ENTPD1: variants seen among roughly 807,000 people sequenced by gnomAD.
ENTPD1 encodes ATP diphosphohydrolase.
ENTPD1 carries 33 observed loss-of-function variants against 57.0 expected under a neutral mutation model. That is an observed-to-expected ratio of 0.58 (90% CI 0.44 to 0.77). The LOEUF is 0.77. Among genes scored for constraint, ENTPD1 ranks in the 30% least tolerant of loss-of-function variants. ENTPD1 has a pLI of 0.00. For missense variants in ENTPD1, 501 were observed against 603.4 expected, an observed-to-expected ratio of 0.83 and a Z score of 1.78; for synonymous variants, 202 against 218.8, an observed-to-expected ratio of 0.92 and a Z score of 0.68.
At chr10:95,843,948 G>C (rs564139212) in intron 4 of ENTPD1, among the ~76,000 whole-genome samples, 138 of 152,328 alleles carry the variant, frequency 9.1e-4, no homozygotes, top group Admixed American at 2.3e-3. Flanking sequence ...CCCAAGAACT[G>C]AGCTGTAATA....
chr10:95,781,064 G>A (rs1373738289), intron 1 of ENTPD1, among the ~76,000 whole-genome samples: 1 of 152,168 alleles, frequency 6.6e-6, no homozygotes, highest in Non-Finnish European at 1.5e-5. Context: ...ACAATGGACT[G>A]CTATTCAGCC....
intron 1 of ENTPD1, among the ~76,000 whole-genome samples, chr10:95,783,163 T>C (rs904079196): frequency 2.3e-4 from 35 of 152,164 alleles, no homozygotes; most frequent in African/African-American, 7.0e-4. Flanking sequence ...GTTTTATGAG[T>C]AGCATTGTTA....
At chr10:95,814,849 T>G (rs1388849372) in intron 1 of ENTPD1, among the ~76,000 whole-genome samples, 1 of 152,200 alleles carries the variant, frequency 6.6e-6, no homozygotes, top group Non-Finnish European at 1.5e-5. Context: ...ACCTTTCTTT[T>G]CATTCTCACC....
At chr10:95,713,620 C>A (rs947508830) in intron 1 of ENTPD1, among the ~76,000 whole-genome samples, 2 of 152,162 alleles carry the variant, frequency 1.3e-5, no homozygotes, top group African/African-American at 4.8e-5. Context: ...AGAATCAGTC[C>A]CTGTAGTACT....
At chr10:95,702,537 C>T in the ENTPD1 span, among the ~76,000 whole-genome samples, 1 of 150,986 alleles carries the variant, frequency 6.6e-6, no homozygotes, top group African/African-American at 2.4e-5. Context: ...TGTAATTGGG[C>T]CCCAGAAGGA....
In ENTPD1 at chr10:95,871,677, T is replaced by C; in HGVS notation, c.*5294T>C. On this transcript the variant is annotated 3_prime_UTR_variant, in exon 10 of 10. Coordinates refer to ENST00000371205, the MANE Select transcript of ENTPD1 (RefSeq NM_001776.6). The stretch of plus-strand genomic sequence containing the variant: ...CTATGTCTTTTGCATTGCTCTATTT[T>C]ACATAAATTAAGTTATAAATTGACA... 1 of 985,412 alleles carries C rather than the reference T, an allele frequency of 1.0e-6. No individual in the cohort carries two copies. The highest frequency in any genetic ancestry group is 1.2e-6 in the Non-Finnish European group (1 of 829,910). The allele number at this position is 985,412 out of a possible 1,614,324, so 61.0% of individuals were successfully genotyped here.
chr10:95,711,965 A>G (rs374183684), exon 1 of ENTPD1: 1 of 1,613,358 alleles, frequency 6.2e-7, no homozygotes, highest in African/African-American at 1.3e-5. Flanking sequence ...CAATGAAGGG[A>G]ACCAAGGACC....
chr10:95,698,732 C>T, the ENTPD1 span, among the ~76,000 whole-genome samples: 2 of 152,216 alleles, frequency 1.3e-5, no homozygotes, highest in African/African-American at 4.8e-5. Context: ...TTGGACTTCC[C>T]AGGCTTCATA....
At position 95,866,760 on chromosome 10, in the gene ENTPD1, G is replaced by C; in HGVS notation, c.*377G>C. ...TAGGAGGCTGAGCTGGCTGAAAGAA[G>C]AATCTCAGGAACTGGTTCAGTTGTA... On this transcript the variant is annotated 3_prime_UTR_variant, in exon 10 of 10. Transcript: ENST00000371205. The C allele has an allele frequency of 1.8e-6, 2 of 1,129,690 alleles. No individual in the cohort carries two copies. The highest frequency in any genetic ancestry group is 2.1e-5 in the South Asian group (1 of 47,190). The allele number at this position is 1,129,690 out of a possible 1,614,324, so 70.0% of individuals were successfully genotyped here.
intron 2 of ENTPD1, among the ~76,000 whole-genome samples, chr10:95,828,238 G>C (rs768162690): frequency 8.5e-5 from 13 of 152,140 alleles, no homozygotes; most frequent in Admixed American, 2.0e-4. Flanking sequence ...ACCCTATTGT[G>C]AACTGCACAT....
At chr10:95,763,794 G>A (rs2098076966) in intron 1 of ENTPD1, among the ~76,000 whole-genome samples, 1 of 152,214 alleles carries the variant, frequency 6.6e-6, no homozygotes, top group East Asian at 1.9e-4. Flanking sequence ...AGTGCTGGTG[G>A]CTTTAGTTAG....
In ENTPD1 at chr10:95,873,736, T is replaced by A. The variant is rs1229931104; in HGVS notation, c.*7353T>A. On this transcript the variant is annotated 3_prime_UTR_variant, in exon 10 of 10. Coordinates refer to ENST00000371205, the MANE Select transcript of ENTPD1 (RefSeq NM_001776.6). ...CGTTTCCATGCTGCTGATAAAGACA[T>A]ATCTGAGACTGGAAACAAAAAGGGT... 1.0e-6 allele frequency: 1 copy of A among 972,640 alleles called. No homozygotes were observed. The highest frequency in any genetic ancestry group is 1.8e-5 in the African/African-American group (1 of 56,964). The allele number at this position is 972,640 out of a possible 1,614,324, so 60.3% of individuals were successfully genotyped here.
At chr10:95,762,291 A>G (rs2098068101) in intron 1 of ENTPD1, among the ~76,000 whole-genome samples, 1 of 152,078 alleles carries the variant, frequency 6.6e-6, no homozygotes, top group African/African-American at 2.4e-5. Context: ...TGAGGATACA[A>G]GTAACATAGC....
chr10:95,745,477 G>A (rs1459422275), intron 1 of ENTPD1, among the ~76,000 whole-genome samples: 1 of 152,176 alleles, frequency 6.6e-6, no homozygotes, highest in Non-Finnish European at 1.5e-5. Flanking sequence ...ACTGCACCTG[G>A]CCAATCTTAC....
intron 1 of ENTPD1, among the ~76,000 whole-genome samples, chr10:95,749,736 T>C (rs561265283): frequency 6.6e-6 from 1 of 152,170 alleles, no homozygotes; most frequent in African/African-American, 2.4e-5. Flanking sequence ...AGGACAGTAG[T>C]AGGAAAGAAA....
chr10:95,744,956 T>G (rs1313638058), intron 1 of ENTPD1, among the ~76,000 whole-genome samples: 1 of 152,184 alleles, frequency 6.6e-6, no homozygotes, highest in Non-Finnish European at 1.5e-5. Context: ...ACTCATTTAT[T>G]TATTGTCTCT....
At position 95,866,715 on chromosome 10, in the gene ENTPD1, G is replaced by A; in HGVS notation, c.*332G>A. On this transcript the variant is annotated 3_prime_UTR_variant, in exon 10 of 10. Transcript: ENST00000371205. ...AATATTGACTTTGTCTAGAAGAACT[G>A]AGAGTCTTGAGTCCTGTGATAGGAG... 8.5e-7 allele frequency: 1 copy of A among 1,178,712 alleles called. No individual in the cohort carries two copies. The highest frequency in any genetic ancestry group is 1.1e-6 in the Non-Finnish European group (1 of 940,296). 73.0% of individuals were successfully genotyped at this position (1,178,712 alleles called of 1,614,324 possible). A position where few individuals can be genotyped will look rare whatever the true frequency, so the allele number is the denominator to read the frequency against.
intron 8 of ENTPD1, 87 bp from the exon 9 acceptor site, chr10:95,864,637 T>G (rs2098470879): frequency 6.3e-7 from 1 of 1,582,624 alleles, no homozygotes; most frequent in East Asian, 2.2e-5. Flanking sequence ...GGCTTTCCCC[T>G]CTCTTCATCA....
chr10:95,767,314 CAAAA>C (rs1160221654), intron 1 of ENTPD1, among the ~76,000 whole-genome samples: 4 of 68,160 alleles, frequency 5.9e-5, no homozygotes, highest in South Asian at 5.2e-4. Context: ...GACTCCATCT[CAAAA>C]AAAAAAAAAA....
Sources: gnomAD v4.1 joint callset for allele counts (sites outside exome capture counted in the v4.1 genomes callset) on GRCh38, gnomAD v4.1.1 for gene constraint, MANE v1.5 for transcripts, NCBI Gene and HGNC (gene_info 2026-07-23, HGNC 2026-07-21) for gene names.